The following ALK variants were observed in gnomAD, a reference collection of about 807,000 sequenced individuals.
ALK encodes ALK tyrosine kinase receptor.
In ALK, 74 loss-of-function variants were observed where a neutral mutation model predicts 163.1. The ratio of observed to expected loss-of-function variants is 0.45; its 90% CI spans 0.38 to 0.55. The LOEUF (loss-of-function observed/expected upper bound fraction) is 0.55. Ranked by LOEUF, ALK falls within the 20% of genes least tolerant of loss-of-function variation. The pLI is 0.00. For missense variants in ALK, 2,063 were observed against 2,105.3 expected (o/e 0.98, Z 0.39); for synonymous variants, 960 against 843.2 (o/e 1.14, Z -2.40).
intron 4 of ALK, among the ~76,000 whole-genome samples, chr2:29,417,772 G>A (rs907040337): frequency 4.6e-5 from 7 of 152,150 alleles, no homozygotes; most frequent in Admixed American, 1.3e-4. Flanking sequence ...TGTACCTTAC[G>A]TACATAAGGA....
At chr2:29,857,206 G>A (rs1666163261) in intron 1 of ALK, among the ~76,000 whole-genome samples, 1 of 152,136 alleles carries the variant, frequency 6.6e-6, no homozygotes, top group South Asian at 2.1e-4. Flanking sequence ...GAGGTTGATG[G>A]GAAGGAATCT....
intron 1 of ALK, among the ~76,000 whole-genome samples, chr2:29,870,546 A>G (rs1666550803): frequency 6.6e-6 from 1 of 152,186 alleles, no homozygotes; most frequent in Non-Finnish European, 1.5e-5. Context: ...GAGCCAAACC[A>G]TATCAACCAC....
chr2:29,698,715 G>C (rs908483867), intron 2 of ALK, among the ~76,000 whole-genome samples: 1 of 152,182 alleles, frequency 6.6e-6, no homozygotes. Flanking sequence ...GTGATAATTG[G>C]CTGTGTTTGG....
chr2:29,494,830 C>T (rs1671984797), intron 4 of ALK, among the ~76,000 whole-genome samples: 1 of 135,544 alleles, frequency 7.4e-6, no homozygotes, highest in African/African-American at 2.9e-5. Flanking sequence ...AAGCTCAAAG[C>T]TCTTTAGAGA....
intron 5 of ALK, among the ~76,000 whole-genome samples, chr2:29,368,306 C>A (rs1045847682): frequency 1.3e-5 from 2 of 152,134 alleles, no homozygotes; most frequent in African/African-American, 4.8e-5. Flanking sequence ...ATTCTACACC[C>A]CACAAAATAA....
intron 3 of ALK, among the ~76,000 whole-genome samples, chr2:29,674,437 T>C (rs955795771): frequency 4.6e-5 from 7 of 150,740 alleles, no homozygotes; most frequent in African/African-American, 1.2e-4. Flanking sequence ...GATAATCATG[T>C]GGTTTTTGTC....
At chr2:29,253,517 CAA>C (rs960102087) in intron 11 of ALK, among the ~76,000 whole-genome samples, 1 of 152,114 alleles carries the variant, frequency 6.6e-6, no homozygotes, top group Non-Finnish European at 1.5e-5. Flanking sequence ...TGCCTGTACC[CAA>C]GGCTGGTGCT....
intron 1 of ALK, among the ~76,000 whole-genome samples, chr2:29,856,957 C>T (rs1417078000): frequency 6.6e-6 from 1 of 152,168 alleles, no homozygotes. Context: ...AGCCAAGTGT[C>T]CTTAGTTGTC....
chr2:29,672,310 A>G (rs1332649205), intron 3 of ALK, among the ~76,000 whole-genome samples: 1 of 150,734 alleles, frequency 6.6e-6, no homozygotes, highest in Non-Finnish European at 1.5e-5. Flanking sequence ...ATATCTCCCA[A>G]TGCTATCCCT....
chr2:29,557,250 G>T (rs562536744), intron 3 of ALK, among the ~76,000 whole-genome samples: 1 of 152,144 alleles, frequency 6.6e-6, no homozygotes, highest in Non-Finnish European at 1.5e-5. Context: ...CTGTTCTTAA[G>T]CAGCCTGGAG....
At chr2:29,636,505 AT>A (rs1348447452) in intron 3 of ALK, among the ~76,000 whole-genome samples, 1 of 152,194 alleles carries the variant, frequency 6.6e-6, no homozygotes, top group African/African-American at 2.4e-5. Flanking sequence ...CTTTAAAAAA[AT>A]AGGATAAAAT....
rs188170708 is a variant in ALK, at chr2:29,530,252, T to C, written c.1154+1663A>G. On this transcript the variant is annotated intron_variant, in intron 4 of 28. Transcript: ENST00000389048. The stretch of plus-strand genomic sequence containing the variant: ...TGAGAATTGACTTCCTATATGAGCA[T>C]AGAAAGGTAAAGAGGGAAAAACTAT... 1.8e-3 allele frequency among the ~76,000 whole-genome samples: 271 copies of C among 152,222 alleles called. 1 individual carries two copies. Among genetic ancestry groups the C allele is most frequent in the African/African-American group, 6.2e-3 (256 of 41,534 alleles).
intron 1 of ALK, among the ~76,000 whole-genome samples, chr2:29,747,029 A>C (rs1680222649): frequency 6.6e-6 from 1 of 152,192 alleles, no homozygotes; most frequent in African/African-American, 2.4e-5. Context: ...GTCCCTTCTC[A>C]AAGCCCTTGG....
intron 3 of ALK, among the ~76,000 whole-genome samples, chr2:29,534,891 T>C (rs1180963634): frequency 2.0e-5 from 3 of 152,200 alleles, no homozygotes; most frequent in African/African-American, 7.2e-5. Flanking sequence ...ATGATGTTTA[T>C]ATGAATCTTA....
At chr2:29,698,317 T>A (rs7585774) in intron 2 of ALK, among the ~76,000 whole-genome samples, 4,267 of 152,182 alleles carry the variant, frequency 0.028, 216 homozygotes, top group African/African-American at 0.099. Context: ...ATAGGAAGGA[T>A]TAGCCATGAA....
At chr2:29,203,992 A>G (rs1470971970) in intron 26 of ALK, among the ~76,000 whole-genome samples, 3 of 152,010 alleles carry the variant, frequency 2.0e-5, no homozygotes, top group Non-Finnish European at 4.4e-5. Flanking sequence ...AAAAATTATT[A>G]TATTTTCCTA....
At chr2:29,911,613 C>A (rs191531522) in intron 1 of ALK, among the ~76,000 whole-genome samples, 47 of 152,298 alleles carry the variant, frequency 3.1e-4, no homozygotes, top group African/African-American at 1.1e-3. Context: ...TGGCCAAGGG[C>A]CTCAGCTCAC....
chr2:29,314,073 C>T (rs1230651253), intron 8 of ALK, among the ~76,000 whole-genome samples: 1 of 152,132 alleles, frequency 6.6e-6, no homozygotes, highest in Non-Finnish European at 1.5e-5. Context: ...TTCTGCGTCA[C>T]ACTGAGAGGC....
chr2:29,265,012 T>G (rs958977994), intron 11 of ALK, among the ~76,000 whole-genome samples: 1 of 151,520 alleles, frequency 6.6e-6, no homozygotes, highest in African/African-American at 2.4e-5. Context: ...GCCCTGTTTT[T>G]TTTTTGTTGT....
Sources: allele counts gnomAD v4.1 joint callset (sites outside exome capture counted in the v4.1 genomes callset), GRCh38; gene constraint gnomAD v4.1.1; transcripts MANE v1.5; gene names NCBI Gene and HGNC (gene_info 2026-07-23, HGNC 2026-07-21).